Variants in MAPKBP1 observed in about 807,000 individuals in gnomAD.
The protein encoded by MAPKBP1 is mitogen-activated protein kinase-binding protein 1.
In MAPKBP1, 71 loss-of-function variants were observed where a neutral mutation model predicts 170.5. That is an observed-to-expected ratio of 0.42 (90% CI 0.34 to 0.51). MAPKBP1 has a LOEUF of 0.51. MAPKBP1 is among the 20% of genes least tolerant of loss of function. MAPKBP1 has a pLI of 0.06. For missense variants in MAPKBP1, 1,598 were observed against 1,933.0 expected, an observed-to-expected ratio of 0.83 and a Z score of 3.25; for synonymous variants, 719 against 757.9, an observed-to-expected ratio of 0.95 and a Z score of 0.84.
chr15:41,825,566 C>T lies in MAPKBP1; in HGVS notation c.*130C>T. On this transcript the variant is annotated 3_prime_UTR_variant, in exon 31 of 31. Coordinates refer to ENST00000457542, the MANE Select transcript of MAPKBP1 (RefSeq NM_014994.3). Reference sequence around the variant, plus strand: ...GAGCAGTGTTCAGAGGCAAAGCAGCCTTCCCAGCCGCTCCTCGTGGGGGGC... The same window carrying T: ...GAGCAGTGTTCAGAGGCAAAGCAGCTTTCCCAGCCGCTCCTCGTGGGGGGC... 2.7e-6 allele frequency: 2 copies of T among 739,620 alleles called. No individual in the cohort carries two copies. Among genetic ancestry groups the T allele is most frequent in the Non-Finnish European group, 4.2e-6 (2 of 470,888 alleles). The allele number at this position is 739,620 out of a possible 1,614,324, so 45.8% of individuals were successfully genotyped here.
At chr15:41,786,302 T>G (rs2064285429) in intron 2 of MAPKBP1, among the ~76,000 whole-genome samples, 2 of 152,138 alleles carry the variant, frequency 1.3e-5, no homozygotes, top group African/African-American at 4.8e-5. Flanking sequence ...CTGTAATGTT[T>G]AAATTTTTCA....
intron 29 of MAPKBP1, 99 bp downstream of exon 29, chr15:41,824,160 T>C: frequency 1.4e-6 from 2 of 1,464,772 alleles, no homozygotes; most frequent in Non-Finnish European, 1.8e-6. Context: ...GGGTACAGCT[T>C]CTGGTGTTTC....
chr15:41,814,604 C>A lies in MAPKBP1; in HGVS notation c.1035C>A (p.Thr345=), dbSNP rs1486347376. 1.2e-5 allele frequency: 19 copies of A among 1,614,048 alleles called. No homozygotes were observed. The highest frequency in any genetic ancestry group is 1.6e-5 in the Non-Finnish European group (19 of 1,180,048). ...NARYPDTIAL[T]FDPTNQWLSC... is the part of the protein sequence containing the mutation. ...GGTATCCAGACACCATTGCCTTGAC[C>A]TTTGATCCTACTAATCAGTGGCTGT... The change falls in exon 10 of 31, where the codon ACC becomes ACA. Residue 345 remains threonine, a synonymous_variant. Coordinates refer to ENST00000457542, the MANE Select transcript of MAPKBP1 (RefSeq NM_014994.3).
In MAPKBP1 at chr15:41,824,477, C is replaced by A; in HGVS notation, c.4214-7C>A. On this transcript the variant is annotated splice_region_variant and splice_polypyrimidine_tract_variant and intron_variant, in intron 29 of 30. Coordinates refer to ENST00000457542, the MANE Select transcript of MAPKBP1 (RefSeq NM_014994.3). The stretch of plus-strand genomic sequence containing the variant: ...GGGCCTCACTGAGCTGTATCCGTCT[C>A]TTTCAGAGCCAGCGGTGAGCCTGGA... 1 of 1,586,388 alleles carries A rather than the reference C, an allele frequency of 6.3e-7. No individual in the cohort carries two copies. The highest frequency in any genetic ancestry group is 2.3e-5 in the East Asian group (1 of 43,608).
At chr15:41,816,260 A>G (rs1025236862) in intron 12 of MAPKBP1, 3 of 443,666 alleles carry the variant, frequency 6.8e-6, no homozygotes, top group Admixed American at 3.7e-5. Flanking sequence ...TAGGATCTAG[A>G]GTCAAGAAAA....
At chr15:41,779,343 T>C (rs990879421) in intron 2 of MAPKBP1, among the ~76,000 whole-genome samples, 3 of 152,192 alleles carry the variant, frequency 2.0e-5, no homozygotes, top group African/African-American at 7.2e-5. Context: ...CCTGAGTAGC[T>C]GGGATTACAG....
At chr15:41,798,669 CCT>C (rs2064539264) in intron 2 of MAPKBP1, among the ~76,000 whole-genome samples, 1 of 152,122 alleles carries the variant, frequency 6.6e-6, no homozygotes, top group Non-Finnish European at 1.5e-5. Flanking sequence ...CTGAGCCTCC[CCT>C]CTCTAGAAAC....
In MAPKBP1 at chr15:41,799,902, C is replaced by T; in HGVS notation, c.194C>T (p.Ala65Val). ...LACDPRSGLV[A>V]YPAGCVVVLF... is the part of the protein sequence containing the mutation. The stretch of plus-strand genomic sequence containing the variant: ...TGTGACCCCCGATCAGGTTTAGTTG[C>T]TTACCCAGCAGGGTAAGTAAGCGCC... The change falls in exon 3 of 31, where the codon GCT becomes GTT. Residue 65 changes from alanine (A) to valine (V), a missense_variant. Physicochemically the swap from Ala to Val is moderately conservative, Grantham distance 64 (BLOSUM62 0). Around this residue, in one of 6 missense-constraint regions of MAPKBP1, gnomAD observed 151 missense variants for 191.4 expected, o/e 0.79. Coordinates refer to ENST00000457542, the MANE Select transcript of MAPKBP1 (RefSeq NM_014994.3). 6.2e-7 allele frequency: 1 copy of T among 1,614,124 alleles called. No individual in the cohort carries two copies. Among genetic ancestry groups the T allele is most frequent in the Non-Finnish European group, 8.5e-7 (1 of 1,179,976 alleles).
At position 41,817,040 on chromosome 15, in the gene MAPKBP1, G is replaced by C. The variant is rs148770114; in HGVS notation, c.1711+5G>C. 1 of 1,578,774 alleles carries C rather than the reference G, an allele frequency of 6.3e-7. No homozygotes were observed. Among genetic ancestry groups the C allele is most frequent in the Non-Finnish European group, 8.6e-7 (1 of 1,159,046 alleles). ...TCACTGCTGTTAAGTTTGCAGGTGC[G>C]GGCAGGGTGAATGAGACACATCCTG... On this transcript the variant is annotated splice_donor_5th_base_variant and intron_variant, in intron 14 of 30. Coordinates refer to ENST00000457542, the MANE Select transcript of MAPKBP1 (RefSeq NM_014994.3). This position sits in a 1 kb window ranked among gnomAD's most constrained non-coding sequence, Gnocchi z 4.2.
rs80278161 is a variant in MAPKBP1, at chr15:41,795,500, G to T, written c.115-4323G>T. On this transcript the variant is annotated intron_variant, in intron 2 of 30. Transcript: ENST00000457542. ...ATGATTTGGGGCCTTGTAAGCCGGG[G>T]TAGAGTATTTGGATTTGAACTTGAG... is the stretch of plus-strand genomic sequence containing the variant. Among the ~76,000 whole-genome samples, 611 of 152,278 alleles carry T rather than the reference G, an allele frequency of 4.0e-3. 5 individuals are homozygous for T. The highest frequency in any genetic ancestry group is 0.014 in the African/African-American group (570 of 41,562).
intron 1 of MAPKBP1, 164 bp downstream of exon 1, chr15:41,774,774 G>T: frequency 2.5e-6 from 1 of 400,144 alleles, no homozygotes; most frequent in Non-Finnish European, 4.4e-6. Flanking sequence ...GCTACGGCGA[G>T]CCCCGCCGCG....
chr15:41,784,622 A>G (rs1567134226), intron 2 of MAPKBP1, among the ~76,000 whole-genome samples: 1 of 151,922 alleles, frequency 6.6e-6, no homozygotes, highest in Non-Finnish European at 1.5e-5. Flanking sequence ...TCTCTACTAA[A>G]AGTACAAAAA....
At chr15:41,820,722 G>C in intron 22 of MAPKBP1, 110 bp from the exon 23 acceptor site, 1 of 754,670 alleles carries the variant, frequency 1.3e-6, no homozygotes. Context: ...TGAGGATGAA[G>C]TAAGCTAGTA....
intron 2 of MAPKBP1, among the ~76,000 whole-genome samples, chr15:41,786,531 A>G (rs554348627): frequency 1.8e-3 from 280 of 151,662 alleles, no homozygotes; most frequent in African/African-American, 6.2e-3. Context: ...TTGGGAGGCC[A>G]AGGCGGGCGG....
At chr15:41,800,426 T>C (rs1244998147) in intron 3 of MAPKBP1, among the ~76,000 whole-genome samples, 3 of 151,304 alleles carry the variant, frequency 2.0e-5, no homozygotes, top group African/African-American at 7.3e-5. Flanking sequence ...TCACTGCACC[T>C]CCGCCTCCGA....
chr15:41,791,642 T>G (rs1430700923), intron 2 of MAPKBP1, among the ~76,000 whole-genome samples: 2 of 152,184 alleles, frequency 1.3e-5, no homozygotes, highest in African/African-American at 4.8e-5. Context: ...CTTGGGATCT[T>G]ATGCTGTGCC....
At chr15:41,812,156 G>A in intron 6 of MAPKBP1, 29 bp downstream of exon 6, 1 of 1,613,022 alleles carries the variant, frequency 6.2e-7, no homozygotes, top group Non-Finnish European at 8.5e-7. Flanking sequence ...TGGCCTGGCA[G>A]CCTCACAGGG....
chr15:41,815,322 T>C lies in MAPKBP1; in HGVS notation c.1234T>C (p.Ser412Pro). 6.2e-7 allele frequency: 1 copy of C among 1,614,088 alleles called. No individual in the cohort carries two copies. Among genetic ancestry groups the C allele is most frequent in the Non-Finnish European group, 8.5e-7 (1 of 1,180,010 alleles). Residue 412 changes from serine to proline, a missense_variant, in exon 11 of 31, where the codon TCC (serine) becomes CCC (proline). By Grantham distance (74) the Ser-to-Pro change is moderately conservative. Around this residue, in one of 6 missense-constraint regions of MAPKBP1, gnomAD observed 430 missense variants for 617.2 expected, o/e 0.70. Transcript: ENST00000457542. The part of the protein sequence containing the change: ...CLPPSSFITC[S>P]SDNTIRLWNT... ...GCCCCCCAGTTCCTTTATTACCTGC[T>C]CCTCAGACAACACCATCCGCCTGTG...
chr15:41,818,568 T>C lies in MAPKBP1; in HGVS notation c.2142T>C (p.Ser714=). The change falls in exon 19 of 31, where the codon TCT becomes TCC. Residue 714 remains serine (S), a synonymous_variant. Transcript: ENST00000457542. The surrounding 1 kb of genome is among the most constrained non-coding windows in gnomAD (Gnocchi z 5.2). ...KFSNDCKHLI[S]VSGDSCIFVW... Reference sequence around the variant, plus strand: ...GTAATGATTGTAAACATCTCATCTCTGTGTCTGGGGACAGGTGAGCAGAAG... The same window carrying C: ...GTAATGATTGTAAACATCTCATCTCCGTGTCTGGGGACAGGTGAGCAGAAG... 6.2e-7 allele frequency: 1 copy of C among 1,613,236 alleles called. No homozygotes were observed. The highest frequency in any genetic ancestry group is 8.5e-7 in the Non-Finnish European group (1 of 1,179,590).
Sources: gnomAD v4.1 joint callset for allele counts (sites outside exome capture counted in the v4.1 genomes callset) on GRCh38, gnomAD v4.1.1 for gene constraint, gnomAD v4.1.1 regional missense constraint, Gnocchi (gnomAD v3.1) non-coding constraint, MANE v1.5 for transcripts, NCBI Gene and HGNC (gene_info 2026-07-23, HGNC 2026-07-21) for gene names.